The following AGPAT3 variants were observed in gnomAD, a reference collection of about 807,000 sequenced individuals.
AGPAT3 encodes the protein 1-acyl-sn-glycerol-3-phosphate acyltransferase gamma.
A neutral mutation model predicts 47.3 loss-of-function variants in AGPAT3; 5 were observed. The observed-to-expected ratio is 0.11, with a 90% CI of 0.06 to 0.22. AGPAT3 has a LOEUF of 0.22. Ranked by LOEUF, AGPAT3 falls within the 10% of genes least tolerant of loss-of-function variation. The pLI, the probability that AGPAT3 is intolerant of heterozygous loss-of-function variation, is 1.00. For synonymous variants in AGPAT3, 212 were observed against 208.3 expected (o/e 1.02, Z -0.15); for missense variants, 315 against 493.0 (o/e 0.64, Z 3.42).
Position 43,918,726 on chromosome 21 carries a change from G to A in AGPAT3, c.-49+14707G>A, listed in dbSNP as rs190775515. 3.3e-5 allele frequency among the ~76,000 whole-genome samples: 5 copies of A among 152,008 alleles called. No homozygotes were observed. The East Asian group carries it at 7.8e-4, about 24-fold the overall frequency. ...TGAGTAGCTGGAATTACAGGCGTGCGCCACCACGCCCAGCTAATTTTTCTA... is the reference window on the plus strand; with the variant it reads ...TGAGTAGCTGGAATTACAGGCGTGCACCACCACGCCCAGCTAATTTTTCTA... On this transcript the variant is annotated intron_variant, in intron 2 of 9. Coordinates refer to ENST00000291572, the MANE Select transcript of AGPAT3 (RefSeq NM_020132.5).
chr21:43,924,268 G>T (rs1016419262), intron 2 of AGPAT3, among the ~76,000 whole-genome samples: 2 of 151,168 alleles, frequency 1.3e-5, no homozygotes, highest in East Asian at 3.9e-4. Flanking sequence ...CTCGTGACCC[G>T]CCCGCCTCGG....
intron 1 of AGPAT3, among the ~76,000 whole-genome samples, chr21:43,887,148 C>T (rs111643793): frequency 6.0e-4 from 91 of 152,352 alleles, no homozygotes; most frequent in African/African-American, 2.2e-3. Context: ...CAAGGCCCAG[C>T]TCCTTCTCTG....
At position 43,913,480 on chromosome 21, in the gene AGPAT3, G is replaced by C. The variant is rs545820493; in HGVS notation, c.-49+9461G>C. Among the ~76,000 whole-genome samples, 6 of 152,248 alleles carry C rather than the reference G, an allele frequency of 3.9e-5. No individual in the cohort carries two copies. The East Asian group carries it at 1.2e-3, about 29-fold the overall frequency. On this transcript the variant is annotated intron_variant, in intron 2 of 9. Transcript: ENST00000291572. ...GCACGCCTCTAGTACCAGCTACTTG[G>C]GAGGCTGAGATGGGAGGATCACCTG... is the stretch of plus-strand genomic sequence containing the variant.
chr21:43,888,772 T>C (rs964723365), intron 1 of AGPAT3, among the ~76,000 whole-genome samples: 10 of 152,296 alleles, frequency 6.6e-5, no homozygotes, highest in Middle Eastern at 3.4e-3. Context: ...GAGCGGATCA[T>C]GAGGTCAGGA....
In AGPAT3 at chr21:43,933,288, GGGCCTGCATCGGGCAT is replaced by G. The variant is rs1280085316; in HGVS notation, c.-48-26344_-48-26329del. 6.6e-6 allele frequency among the ~76,000 whole-genome samples: 1 copy of G among 152,164 alleles called. No individual in the cohort carries two copies. The highest frequency in any genetic ancestry group is 2.4e-5 in the African/African-American group (1 of 41,432). On this transcript the variant is annotated intron_variant, in intron 2 of 9. Coordinates refer to ENST00000291572, the MANE Select transcript of AGPAT3 (RefSeq NM_020132.5). The surrounding 1 kb of genome is among the most constrained non-coding windows in gnomAD (Gnocchi z 6.0). ...TGAGCCCCTTTACCCTGTGGATGCT[GGGCCTGCATCGGGCAT>G]GTGGTCTGCAGGGTTTTCTCTCCCT...
chr21:43,902,583 G>T (rs561812031), intron 1 of AGPAT3, among the ~76,000 whole-genome samples: 1 of 152,366 alleles, frequency 6.6e-6, no homozygotes, highest in East Asian at 1.9e-4. Flanking sequence ...GAGATAGGAA[G>T]CAGCTGGCCC....
At chr21:43,881,460 G>A (rs778194714) in intron 1 of AGPAT3, among the ~76,000 whole-genome samples, 16 of 152,162 alleles carry the variant, frequency 1.1e-4, no homozygotes, top group Non-Finnish European at 1.8e-4. Context: ...TGGGGCAGAC[G>A]GCATGAGCCA....
Position 43,976,073 on chromosome 21 carries a change from A to AT in AGPAT3, c.768-1961dup, listed in dbSNP as rs528646179. Among the ~76,000 whole-genome samples the AT allele has an allele frequency of 7.0e-3, 953 of 136,514 alleles. 4 individuals carry two copies. Among genetic ancestry groups the AT allele is most frequent in the Admixed American group, 0.015 (201 of 13,768 alleles). 89.6% of individuals were successfully genotyped at this position (136,514 alleles called of 152,430 possible). A position where few individuals can be genotyped will look rare whatever the true frequency, so the allele number is the denominator to read the frequency against. On this transcript the variant is annotated intron_variant, in intron 7 of 9. Transcript: ENST00000291572. ...TAAAATTTTATAGAAAATGATTTTT[A>AT]TTTTTTTTTTTTGAGACGGAGTCTC...
At position 43,872,432 on chromosome 21, in the gene AGPAT3, C is replaced by T. The variant is rs567954134; in HGVS notation, c.-112+7087C>T. 1.1e-4 allele frequency among the ~76,000 whole-genome samples: 16 copies of T among 152,262 alleles called. No homozygotes were observed. The South Asian group carries it at 2.9e-3, about 28-fold the overall frequency. ...CTGACCTCAAGTGATCCACCCACCT[C>T]GGCCTCCCAAAGTGTTGGAATTACA... On this transcript the variant is annotated intron_variant, in intron 1 of 9. Coordinates refer to ENST00000291572, the MANE Select transcript of AGPAT3 (RefSeq NM_020132.5).
chr21:43,957,670 G>A (rs1239994296), intron 2 of AGPAT3, among the ~76,000 whole-genome samples: 5 of 147,568 alleles, frequency 3.4e-5, no homozygotes, highest in East Asian at 2.0e-4. Flanking sequence ...CGGGGGTCTC[G>A]GGTTTCCCCC....
intron 2 of AGPAT3, among the ~76,000 whole-genome samples, chr21:43,943,973 G>A (rs1014260615): frequency 1.3e-5 from 2 of 152,208 alleles, no homozygotes; most frequent in African/African-American, 2.4e-5. Context: ...TGGCAGCTTC[G>A]GGAGGGTTCC....
At chr21:43,917,975 G>C (rs1338031032) in intron 2 of AGPAT3, among the ~76,000 whole-genome samples, 1 of 105,656 alleles carries the variant, frequency 9.5e-6, no homozygotes, top group Non-Finnish European at 1.9e-5. Context: ...GGTGTTGGGG[G>C]TGTTGTGTTA....
In AGPAT3 at chr21:43,930,943, AC is replaced by A. The variant is rs2087221497; in HGVS notation, c.-49+26925del. On this transcript the variant is annotated intron_variant, in intron 2 of 9. Coordinates refer to ENST00000291572, the MANE Select transcript of AGPAT3 (RefSeq NM_020132.5). This position sits in a 1 kb window ranked among gnomAD's most constrained non-coding sequence, Gnocchi z 5.0. ...ACAGATTGTTTTTATGGCCCCCACTACGTGAGATCCTGGGGCAGGGGCTGTG... is the reference window on the plus strand; with the variant it reads ...ACAGATTGTTTTTATGGCCCCCACTAGTGAGATCCTGGGGCAGGGGCTGTG... 6.6e-6 allele frequency among the ~76,000 whole-genome samples: 1 copy of A among 151,984 alleles called. No individual in the cohort carries two copies. Among genetic ancestry groups the A allele is most frequent in the Non-Finnish European group, 1.5e-5 (1 of 67,994 alleles).
intron 2 of AGPAT3, among the ~76,000 whole-genome samples, chr21:43,935,391 G>T (rs555876897): frequency 6.6e-6 from 1 of 152,386 alleles, no homozygotes; most frequent in South Asian, 2.1e-4. Flanking sequence ...CCCCAGCTGG[G>T]AGTGCCCCCA....
At chr21:43,866,444 A>T (rs1051572455) in intron 1 of AGPAT3, among the ~76,000 whole-genome samples, 23 of 152,054 alleles carry the variant, frequency 1.5e-4, no homozygotes, top group Non-Finnish European at 2.5e-4. Flanking sequence ...TGCAGCTTTT[A>T]AATTGCAGGC....
At chr21:43,942,117 G>A (rs147994784) in intron 2 of AGPAT3, among the ~76,000 whole-genome samples, 3,147 of 152,338 alleles carry the variant, frequency 0.021, 41 homozygotes, top group Non-Finnish European at 0.025. Context: ...CCGTGGCAGC[G>A]TACCCACAGG....
At chr21:43,897,061 T>A (rs550438020) in intron 1 of AGPAT3, among the ~76,000 whole-genome samples, 2 of 148,144 alleles carry the variant, frequency 1.4e-5, no homozygotes, top group African/African-American at 2.5e-5. Flanking sequence ...CAGATAAACA[T>A]GTGAACAGAG....
In AGPAT3 at chr21:43,959,916, G is replaced by A. The variant is rs949591024; in HGVS notation, c.178+57G>A. 8.5e-5 allele frequency: 129 copies of A among 1,521,348 alleles called. 1 individual carries two copies. Among genetic ancestry groups the A allele is most frequent in the African/African-American group, 7.0e-4 (51 of 72,954 alleles). The allele number at this position is 1,521,348 out of a possible 1,614,324, so 94.2% of individuals were successfully genotyped here. A position where few individuals can be genotyped will look rare whatever the true frequency, so the allele number is the denominator to read the frequency against. On this transcript the variant is annotated intron_variant, in intron 3 of 9. Transcript: ENST00000291572. The stretch of plus-strand genomic sequence containing the variant: ...TGGGGCTCCCGTGGGGGTGGCGCGC[G>A]ACCATGCACGGGGCAGCCGTGGGCT...
chr21:43,928,321 C>T (rs2087125024), intron 2 of AGPAT3, among the ~76,000 whole-genome samples: 1 of 152,228 alleles, frequency 6.6e-6, no homozygotes. Context: ...GAAACGCTGA[C>T]ACAGCGTTAA....
Sources: gnomAD v4.1 joint callset for allele counts (sites outside exome capture counted in the v4.1 genomes callset) on GRCh38, gnomAD v4.1.1 for gene constraint, Gnocchi (gnomAD v3.1) non-coding constraint, MANE v1.5 for transcripts, NCBI Gene and HGNC (gene_info 2026-07-23, HGNC 2026-07-21) for gene names.